Variants in ZFYVE27 observed in about 807,000 individuals in gnomAD.
The protein encoded by ZFYVE27 is protrudin.
In ZFYVE27, 36 loss-of-function variants were observed where a neutral mutation model predicts 52.8. That is an observed-to-expected ratio of 0.68 (90% confidence interval 0.52 to 0.90). The LOEUF (loss-of-function observed/expected upper bound fraction) is 0.90. Ranked by LOEUF, ZFYVE27 falls within the 40% of genes least tolerant of loss-of-function variation. ZFYVE27 has a pLI of 0.00. For missense variants in ZFYVE27, 450 were observed against 527.2 expected (o/e 0.85, Z 1.43); for synonymous variants, 223 against 215.6 (o/e 1.03, Z -0.30).
chr10:97,751,103 G>A (rs896151992), intron 7 of ZFYVE27, among the ~76,000 whole-genome samples: 10 of 152,208 alleles, frequency 6.6e-5, no homozygotes, highest in African/African-American at 2.4e-4. Flanking sequence ...GCACAGAGTG[G>A]CTGGTAAGTG....
chr10:97,749,396 C>T (rs2046330026), intron 5 of ZFYVE27, 78 bp from the exon 6 acceptor site: 1 of 1,062,062 alleles, frequency 9.4e-7, no homozygotes, highest in South Asian at 1.3e-5. Flanking sequence ...CACCTGGACC[C>T]TGCTGTGGGT....
rs777953107 is a variant in ZFYVE27, at chr10:97,757,331, C to T, written c.1089+20C>T. On this transcript the variant is annotated intron_variant, in intron 11 of 12. Transcript: ENST00000684270. Reference sequence around the variant, plus strand: ...AAGAGGGTGAGTGTCTGTGAGGGTGCATTTGTTGGGGACAGTGTCCTTGGG... The same window carrying T: ...AAGAGGGTGAGTGTCTGTGAGGGTGTATTTGTTGGGGACAGTGTCCTTGGG... 2 of 1,614,026 alleles carry T rather than the reference C, an allele frequency of 1.2e-6. No individual in the cohort carries two copies. Among genetic ancestry groups the T allele is most frequent in the East Asian group, 2.2e-5 (1 of 44,868 alleles).
chr10:97,743,825 A>G (rs890346599), intron 3 of ZFYVE27, among the ~76,000 whole-genome samples: 2 of 152,194 alleles, frequency 1.3e-5, no homozygotes, highest in East Asian at 1.9e-4. Context: ...CTCTTACTAC[A>G]GTGCATACCG....
chr10:97,756,620 G>A (rs191408472), intron 10 of ZFYVE27, among the ~76,000 whole-genome samples: 2 of 152,246 alleles, frequency 1.3e-5, no homozygotes, highest in East Asian at 3.9e-4. Context: ...CACTGTTGCC[G>A]GGCACTTGGC....
chr10:97,757,350 C>T, intron 11 of ZFYVE27, 39 bp downstream of exon 11: 1 of 1,613,820 alleles, frequency 6.2e-7, no homozygotes, highest in Non-Finnish European at 8.5e-7. Context: ...GGGACAGTGT[C>T]CTTGGGACTG....
At chr10:97,740,362 A>G (rs778165385) in intron 2 of ZFYVE27, among the ~76,000 whole-genome samples, 28 of 152,222 alleles carry the variant, frequency 1.8e-4, no homozygotes, top group South Asian at 6.2e-4. Flanking sequence ...TGCTCTTCCC[A>G]CAAGGGGTAG....
At chr10:97,751,910 T>G (rs918807931) in intron 8 of ZFYVE27, among the ~76,000 whole-genome samples, 2 of 152,228 alleles carry the variant, frequency 1.3e-5, no homozygotes, top group African/African-American at 2.4e-5. Flanking sequence ...TTAAACAGCT[T>G]TCTTGATTTT....
chr10:97,750,366 A>G lies in ZFYVE27; in HGVS notation c.700A>G (p.Met234Val), dbSNP rs144645800. 2.0e-5 allele frequency: 33 copies of G among 1,614,008 alleles called. No homozygotes were observed. In the African/African-American group the frequency reaches 3.9e-4, roughly 19 times the overall value. Residue 234 changes from methionine to valine, a missense_variant, in exon 7 of 13, where the codon ATG becomes GTG. Coordinates refer to ENST00000684270, the MANE Select transcript of ZFYVE27 (RefSeq NM_001385875.1). ...GTACAGGGCATCTCTGCAGCAGAGG[A>G]TGAACCCAAAGCAGGAAGAGCATGC... ...SEYRASLQQR[M>V]NPKQEEHAFE... is the part of the protein sequence containing the mutation.
In ZFYVE27 at chr10:97,744,916, G is replaced by T; in HGVS notation, c.455+1G>T. On this transcript the variant is annotated splice_donor_variant, in intron 4 of 12. Transcript: ENST00000684270. LOFTEE classifies it high-confidence loss of function. ...AGGCCGTGGCTGAGGTGAAGAGCTTGTGAGTATGGAAGAGAGGCCAGGGAG... is the reference window on the plus strand; with the variant it reads ...AGGCCGTGGCTGAGGTGAAGAGCTTTTGAGTATGGAAGAGAGGCCAGGGAG... 6.4e-7 allele frequency: 1 copy of T among 1,568,640 alleles called. No homozygotes were observed. Among genetic ancestry groups the T allele is most frequent in the Non-Finnish European group, 8.6e-7 (1 of 1,156,662 alleles).
chr10:97,749,438 G>T, intron 5 of ZFYVE27, 36 bp from the exon 6 acceptor site: 1 of 1,556,604 alleles, frequency 6.4e-7, no homozygotes, highest in Non-Finnish European at 8.9e-7. Context: ...CTGCTGTTAC[G>T]AATTTCTGAT....
At chr10:97,755,575 G>A (rs2048149805) in intron 10 of ZFYVE27, among the ~76,000 whole-genome samples, 1 of 152,192 alleles carries the variant, frequency 6.6e-6, no homozygotes, top group Non-Finnish European at 1.5e-5. Context: ...ATTCACGAGG[G>A]CTCCACCCTC....
chr10:97,739,018 A>G (rs1318923785), intron 2 of ZFYVE27, among the ~76,000 whole-genome samples: 1 of 152,176 alleles, frequency 6.6e-6, no homozygotes, highest in Non-Finnish European at 1.5e-5. Flanking sequence ...TAGCATAATT[A>G]ATATTAAAAA....
intron 10 of ZFYVE27, chr10:97,754,699 G>A (rs1343517752): frequency 9.3e-6 from 12 of 1,289,258 alleles, no homozygotes; most frequent in African/African-American, 1.5e-5. Flanking sequence ...ACTTGCACAT[G>A]TGTGATCTCA....
chr10:97,739,887 T>TTTTTTGTTTTTTGTC (rs1379255208), intron 2 of ZFYVE27, among the ~76,000 whole-genome samples: 1 of 150,174 alleles, frequency 6.7e-6, no homozygotes, highest in South Asian at 2.1e-4. Flanking sequence ...AGAAAAGTGT[T>TTTTTTGTTTTTTGTC]TTTTTTTTTT....
rs1486532058 is a variant in ZFYVE27, at chr10:97,737,204, C to T, written c.-119C>T. On this transcript the variant is annotated 5_prime_UTR_variant, in exon 1 of 13. Coordinates refer to ENST00000684270, the MANE Select transcript of ZFYVE27 (RefSeq NM_001385875.1). ...TTTCGGACCTGCGACTTCCGAACAA[C>T]CCTGGCAGGAGGAGCGGCGTTCAGC... The T allele has an allele frequency of 6.6e-6, 1 of 152,384 alleles. No homozygotes were observed. Among genetic ancestry groups the T allele is most frequent in the Non-Finnish European group, 1.5e-5 (1 of 68,132 alleles). The allele number at this position is 152,384 out of a possible 1,614,324, so 9.4% of individuals were successfully genotyped here. A position where few individuals can be genotyped will look rare whatever the true frequency, so the allele number is the denominator to read the frequency against.
intron 4 of ZFYVE27, among the ~76,000 whole-genome samples, chr10:97,746,040 TA>T (rs2045268288): frequency 1.8e-5 from 1 of 54,546 alleles, no homozygotes; most frequent in African/African-American, 9.2e-5. Flanking sequence ...TATATATATA[TA>T]TATATATATA....
intron 11 of ZFYVE27, 83 bp downstream of exon 11, chr10:97,757,394 A>G: frequency 1.9e-6 from 3 of 1,599,114 alleles, no homozygotes; most frequent in Non-Finnish European, 2.6e-6. Flanking sequence ...AGTCATTGAG[A>G]AAGTCTGGCT....
At chr10:97,748,780 G>C (rs749853849) in intron 5 of ZFYVE27, among the ~76,000 whole-genome samples, 2 of 152,138 alleles carry the variant, frequency 1.3e-5, no homozygotes, top group Non-Finnish European at 2.9e-5. Flanking sequence ...TATAATACCA[G>C]ATTAATATAG....
chr10:97,753,285 G>A (rs369157865), intron 10 of ZFYVE27, 103 bp downstream of exon 10: 2 of 1,480,830 alleles, frequency 1.4e-6, no homozygotes, highest in South Asian at 2.6e-5. Context: ...CAGAACTGTG[G>A]GTACTGACTT....
Sources: gnomAD v4.1 joint callset for allele counts (sites outside exome capture counted in the v4.1 genomes callset) on GRCh38, gnomAD v4.1.1 for gene constraint, MANE v1.5 for transcripts, NCBI Gene and HGNC (gene_info 2026-07-23, HGNC 2026-07-21) for gene names.